DLGAP1: variants seen among roughly 807,000 people sequenced by gnomAD.
DLGAP1 encodes the protein DLG associated protein 1, also known as disks large-associated protein 1.
In DLGAP1, 11 loss-of-function variants were observed where a neutral mutation model predicts 90.8. The ratio of observed to expected loss-of-function variants is 0.12; its 90% CI spans 0.08 to 0.20. The LOEUF is 0.20. DLGAP1 is among the 10% of genes least tolerant of loss of function. The pLI is 1.00. For synonymous variants in DLGAP1, 558 were observed against 540.7 expected, an observed-to-expected ratio of 1.03 and a Z score of -0.44; for missense variants, 1,050 against 1,333.8, an observed-to-expected ratio of 0.79 and a Z score of 3.31.
intron 4 of DLGAP1, among the ~76,000 whole-genome samples, chr18:3,848,582 C>T (rs1026381187): frequency 3.9e-5 from 6 of 152,152 alleles, no homozygotes; most frequent in African/African-American, 1.4e-4. Flanking sequence ...CCCCCATCTC[C>T]ACCCCAGCAG....
intron 2 of DLGAP1, among the ~76,000 whole-genome samples, chr18:4,026,927 C>T (rs1327779178): frequency 1.3e-5 from 2 of 152,086 alleles, no homozygotes; most frequent in African/African-American, 4.8e-5. Context: ...CAGGTGGTGG[C>T]TCAGCCCCAA....
chr18:3,957,841 G>C (rs922395120), intron 3 of DLGAP1, among the ~76,000 whole-genome samples: 12 of 151,078 alleles, frequency 7.9e-5, no homozygotes, highest in Non-Finnish European at 1.3e-4. Flanking sequence ...GTGTGTATTT[G>C]ATAAAGGTAC....
chr18:3,586,080 T>G (rs538642705), intron 7 of DLGAP1, among the ~76,000 whole-genome samples: 3 of 152,256 alleles, frequency 2.0e-5, no homozygotes, highest in African/African-American at 7.2e-5. Context: ...AACAGGGACA[T>G]TGGCAGAGTT....
chr18:3,669,260 G>A (rs60734229), intron 7 of DLGAP1, among the ~76,000 whole-genome samples: 5 of 152,032 alleles, frequency 3.3e-5, no homozygotes, highest in African/African-American at 1.2e-4. Context: ...AGAGCGTGAT[G>A]CCTTTAAATG....
intron 3 of DLGAP1, among the ~76,000 whole-genome samples, chr18:3,946,752 T>A (rs2072885882): frequency 6.6e-6 from 1 of 152,194 alleles, no homozygotes; most frequent in South Asian, 2.1e-4. Flanking sequence ...AGGTTATTCA[T>A]AATTAAAGGT....
rs1301251919 is a variant in DLGAP1 at position 3,600,865 on chromosome 18, G to GAT, written c.1592-18619_1592-18618dup. On this transcript the variant is annotated intron_variant, in intron 7 of 12. Transcript: ENST00000315677. ...ATATATAGATATATAGATATATATAGATATATAGATATATAGATAGATATA... is the reference window on the plus strand; with the variant it reads ...ATATATAGATATATAGATATATATAGATATATATAGATATATAGATAGATATA... Among the ~76,000 whole-genome samples the GAT allele has an allele frequency of 9.6e-3, 158 of 16,414 alleles. 27 individuals carry two copies. The highest frequency in any genetic ancestry group is 0.032 in the African/African-American group (77 of 2,382). The allele number at this position is 16,414 out of a possible 152,430, so 10.8% of individuals were successfully genotyped here.
At chr18:3,561,048 A>G (rs1038945717) in intron 9 of DLGAP1, among the ~76,000 whole-genome samples, 2 of 150,826 alleles carry the variant, frequency 1.3e-5, no homozygotes, top group African/African-American at 5.0e-5. Flanking sequence ...ACATAAATAA[A>G]TAAATGTACA....
chr18:3,551,208 T>C (rs1169333062), intron 9 of DLGAP1, among the ~76,000 whole-genome samples: 1 of 151,292 alleles, frequency 6.6e-6, no homozygotes, highest in Non-Finnish European at 1.5e-5. Flanking sequence ...TTTTCTGAAA[T>C]TTATCTTCCA....
At chr18:4,075,314 G>T (rs2075507127) in intron 2 of DLGAP1, among the ~76,000 whole-genome samples, 1 of 152,106 alleles carries the variant, frequency 6.6e-6, no homozygotes, top group African/African-American at 2.4e-5. Flanking sequence ...TTGTGACTGG[G>T]TCAACCTTTC....
intron 5 of DLGAP1, among the ~76,000 whole-genome samples, chr18:3,780,536 C>T (rs1252118202): frequency 2.6e-5 from 4 of 152,058 alleles, no homozygotes; most frequent in Non-Finnish European, 4.4e-5. Context: ...CCCCCTCCAA[C>T]GCTAACTTTT....
chr18:4,055,411 GT>G (rs1202983009), intron 2 of DLGAP1, among the ~76,000 whole-genome samples: 19 of 152,198 alleles, frequency 1.2e-4, no homozygotes, highest in Admixed American at 5.9e-4. Flanking sequence ...CTGATAGGTA[GT>G]TTTTTATCCT....
chr18:3,591,623 A>C (rs2056252506), intron 7 of DLGAP1, among the ~76,000 whole-genome samples: 1 of 152,022 alleles, frequency 6.6e-6, no homozygotes, highest in Admixed American at 6.5e-5. Context: ...GGATTGCTGA[A>C]GCCCAAAAGA....
chr18:4,245,699 C>T (rs560455722), intron 1 of DLGAP1, among the ~76,000 whole-genome samples: 10 of 152,184 alleles, frequency 6.6e-5, no homozygotes, highest in Non-Finnish European at 1.5e-4. Flanking sequence ...GGTGGTATCG[C>T]TTTGCCAAGA....
chr18:3,676,131 T>C (rs1428586760), intron 7 of DLGAP1, among the ~76,000 whole-genome samples: 2 of 152,218 alleles, frequency 1.3e-5, no homozygotes, highest in East Asian at 1.9e-4. Context: ...GTGCCAATCA[T>C]GTTCAAAATG....
chr18:4,144,708 T>A (rs2076556037), intron 2 of DLGAP1, among the ~76,000 whole-genome samples: 1 of 152,226 alleles, frequency 6.6e-6, no homozygotes, highest in Non-Finnish European at 1.5e-5. Flanking sequence ...CTATGCAATT[T>A]TGCTAATGTC....
chr18:4,070,185 G>A (rs1368539234), intron 2 of DLGAP1, among the ~76,000 whole-genome samples: 1 of 152,040 alleles, frequency 6.6e-6, no homozygotes, highest in Non-Finnish European at 1.5e-5. Flanking sequence ...GTTTCATCAT[G>A]TTGGCTACGT....
intron 3 of DLGAP1, among the ~76,000 whole-genome samples, chr18:3,891,781 T>C (rs1599117035): frequency 6.6e-6 from 1 of 152,132 alleles, no homozygotes; most frequent in Non-Finnish European, 1.5e-5. Context: ...TTTTAAATTT[T>C]TTTTTAGAGA....
rs368183076 is a variant in DLGAP1 at position 4,014,639 on chromosome 18, G to C, written c.-158-9438C>G. 2.0e-5 allele frequency among the ~76,000 whole-genome samples: 3 copies of C among 152,016 alleles called. No homozygotes were observed. In the South Asian group the frequency reaches 6.2e-4, roughly 32 times the overall value. ...TTTGATCATTACACATTGTATGCAGGTATCAAAATATCACATATCCCCCCA... is the reference window on the plus strand; with the variant it reads ...TTTGATCATTACACATTGTATGCAGCTATCAAAATATCACATATCCCCCCA... On this transcript the variant is annotated intron_variant, in intron 2 of 12. Coordinates refer to ENST00000315677, the MANE Select transcript of DLGAP1 (RefSeq NM_004746.4).
At chr18:3,904,193 G>T (rs1244857516) in intron 3 of DLGAP1, among the ~76,000 whole-genome samples, 1 of 152,214 alleles carries the variant, frequency 6.6e-6, no homozygotes, top group African/African-American at 2.4e-5. Context: ...TAGCATGTTA[G>T]ACTGATCTCC....
Sources: allele counts gnomAD v4.1 joint callset (sites outside exome capture counted in the v4.1 genomes callset), GRCh38; gene constraint gnomAD v4.1.1; transcripts MANE v1.5; gene names NCBI Gene and HGNC (gene_info 2026-07-23, HGNC 2026-07-21).